Variants in DLGAP1 observed in about 807,000 individuals in gnomAD.
The protein encoded by DLGAP1 is DLG associated protein 1, also known as disks large-associated protein 1.
A neutral mutation model predicts 90.8 loss-of-function variants in DLGAP1; 11 were observed. That is an observed-to-expected ratio of 0.12 (90% CI 0.08 to 0.20). The LOEUF (loss-of-function observed/expected upper bound fraction) is 0.20, where lower values mean the gene tolerates loss of function less well. Ranked by LOEUF, DLGAP1 falls within the 10% of genes least tolerant of loss-of-function variation. DLGAP1 has a pLI of 1.00. For synonymous variants in DLGAP1, 558 were observed against 540.7 expected (o/e 1.03, Z -0.44); for missense variants, 1,050 against 1,333.8 (o/e 0.79, Z 3.31).
At chr18:4,347,000 A>C (rs557833367) in intron 1 of DLGAP1, among the ~76,000 whole-genome samples, 1 of 152,090 alleles carries the variant, frequency 6.6e-6, no homozygotes, top group African/African-American at 2.4e-5. Flanking sequence ...ACTATACAAA[A>C]TGAGAAATAA....
At chr18:3,525,803 A>T (rs371564708) in intron 10 of DLGAP1, among the ~76,000 whole-genome samples, 108 of 152,294 alleles carry the variant, frequency 7.1e-4, no homozygotes, top group African/African-American at 2.5e-3. Context: ...AATGACAGAA[A>T]CACCACTGGC....
chr18:4,178,756 G>A (rs2144643076), intron 1 of DLGAP1, among the ~76,000 whole-genome samples: 1 of 152,138 alleles, frequency 6.6e-6, no homozygotes, highest in African/African-American at 2.4e-5. Context: ...TACAGAGCTT[G>A]ATAAATCTCA....
chr18:3,862,173 G>A (rs1023402783), intron 4 of DLGAP1, among the ~76,000 whole-genome samples: 1 of 152,192 alleles, frequency 6.6e-6, no homozygotes, highest in Admixed American at 6.5e-5. Flanking sequence ...AAGCAATGTG[G>A]GGTAGACAGG....
chr18:3,849,959 G>A (rs936581436), intron 4 of DLGAP1, among the ~76,000 whole-genome samples: 1 of 152,178 alleles, frequency 6.6e-6, no homozygotes, highest in African/African-American at 2.4e-5. Flanking sequence ...TAGTGGTCTT[G>A]TTTATAAATC....
intron 1 of DLGAP1, among the ~76,000 whole-genome samples, chr18:4,195,161 A>T (rs1038316945): frequency 4.6e-5 from 7 of 152,194 alleles, no homozygotes; most frequent in African/African-American, 1.7e-4. Context: ...AGAATACTAC[A>T]GTTTTATCTA....
chr18:4,400,461 T>G (rs957623033), intron 1 of DLGAP1, among the ~76,000 whole-genome samples: 1 of 152,266 alleles, frequency 6.6e-6, no homozygotes, highest in Admixed American at 6.5e-5. Flanking sequence ...CCTGGGCCAC[T>G]GGGGCCAATC....
In DLGAP1 at chr18:3,874,553, C is replaced by T. The variant is rs557508950; in HGVS notation, c.957+4559G>A. The T allele has an allele frequency of 1.5e-4, 221 of 1,473,202 alleles. 1 individual carries two copies. In the South Asian group the frequency reaches 1.9e-3, roughly 13 times the overall value. The allele number at this position is 1,473,202 out of a possible 1,614,324, so 91.3% of individuals were successfully genotyped here. A position where few individuals can be genotyped will look rare whatever the true frequency, so the allele number is the denominator to read the frequency against. ...GCAAAAACAAAACAACAACAAAAAC[C>T]ACCTTTTATTCTATCTCTGAACCTC... On this transcript the variant is annotated intron_variant, in intron 4 of 12. Transcript: ENST00000315677.
Position 3,565,474 on chromosome 18 carries a change from A to G in DLGAP1, c.2057+2016T>C, listed in dbSNP as rs1041090609. 2.6e-5 allele frequency among the ~76,000 whole-genome samples: 4 copies of G among 151,962 alleles called. No homozygotes were observed. Among genetic ancestry groups the G allele is most frequent in the African/African-American group, 9.7e-5 (4 of 41,396 alleles). On this transcript the variant is annotated intron_variant, in intron 9 of 12. Transcript: ENST00000315677. This position sits in a 1 kb window ranked among gnomAD's most constrained non-coding sequence, Gnocchi z 4.0. ...CAGGAATATATTTTCTTTAATGTCT[A>G]CTAAATGTATACTTTCAAAAATTTT...
chr18:4,302,167 T>C (rs1410623529), intron 1 of DLGAP1, among the ~76,000 whole-genome samples: 1 of 152,192 alleles, frequency 6.6e-6, no homozygotes, highest in African/African-American at 2.4e-5. Context: ...CTCTACTTTT[T>C]TGCTTTTGTT....
intron 1 of DLGAP1, among the ~76,000 whole-genome samples, chr18:4,249,271 A>G (rs1029473039): frequency 6.6e-6 from 1 of 152,184 alleles, no homozygotes; most frequent in Non-Finnish European, 1.5e-5. Context: ...ACTGCCGGGC[A>G]CAAAGTAAAA....
chr18:3,561,467 A>ATG (rs2054112836), intron 9 of DLGAP1, among the ~76,000 whole-genome samples: 1 of 148,740 alleles, frequency 6.7e-6, no homozygotes, highest in Non-Finnish European at 1.5e-5. Flanking sequence ...AAACAGAAAA[A>ATG]TGAAAGTTTT....
At chr18:3,986,922 A>G (rs1267528607) in intron 3 of DLGAP1, among the ~76,000 whole-genome samples, 1 of 152,164 alleles carries the variant, frequency 6.6e-6, no homozygotes, top group Non-Finnish European at 1.5e-5. Flanking sequence ...TCCCACAAAA[A>G]TGTCCTATGA....
At chr18:3,701,324 T>C (rs911731247) in intron 7 of DLGAP1, among the ~76,000 whole-genome samples, 28 of 152,302 alleles carry the variant, frequency 1.8e-4, no homozygotes, top group African/African-American at 6.5e-4. Flanking sequence ...TGTGTGGTGT[T>C]CCCGTTAAGG....
chr18:4,064,448 G>A lies in DLGAP1; in HGVS notation c.-158-59247C>T, dbSNP rs546158359. Among the ~76,000 whole-genome samples, 369 of 150,386 alleles carry A rather than the reference G, an allele frequency of 2.5e-3. 2 individuals carry two copies. Among genetic ancestry groups the A allele is most frequent in the African/African-American group, 8.8e-3 (361 of 40,796 alleles). ...AAAATTAATACAATAGACTGCTAGC[G>A]AGACCAACAAAGAAAAAAAGAGAGA... On this transcript the variant is annotated intron_variant, in intron 2 of 12. Coordinates refer to ENST00000315677, the MANE Select transcript of DLGAP1 (RefSeq NM_004746.4).
chr18:4,174,258 T>C (rs1276151552), intron 1 of DLGAP1, among the ~76,000 whole-genome samples: 1 of 152,192 alleles, frequency 6.6e-6, no homozygotes, highest in African/African-American at 2.4e-5. Flanking sequence ...TTCCAGTCCT[T>C]AAGTCAGGGG....
chr18:4,384,619 C>T (rs563127037), intron 1 of DLGAP1, among the ~76,000 whole-genome samples: 2 of 152,100 alleles, frequency 1.3e-5, no homozygotes, highest in South Asian at 2.1e-4. Context: ...TATATTTCCT[C>T]GTACTAATAT....
intron 2 of DLGAP1, among the ~76,000 whole-genome samples, chr18:4,009,439 A>G (rs2074374375): frequency 6.6e-6 from 1 of 152,152 alleles, no homozygotes; most frequent in South Asian, 2.1e-4. Flanking sequence ...GCTGTTACAC[A>G]TTTGTTTATT....
chr18:4,429,117 T>C (rs2083222793), intron 1 of DLGAP1, among the ~76,000 whole-genome samples: 1 of 152,198 alleles, frequency 6.6e-6, no homozygotes, highest in Admixed American at 6.5e-5. Context: ...TGCAATGAAA[T>C]CTATTTAGGT....
rs137857106 is a variant in DLGAP1 at position 3,534,681 on chromosome 18, C to T, written c.2058-66G>A. On this transcript the variant is annotated intron_variant, in intron 9 of 12. Coordinates refer to ENST00000315677, the MANE Select transcript of DLGAP1 (RefSeq NM_004746.4). ...TCTTTCTTTCCTTCCTTCCTTCCTT[C>T]CTTCCTTTCTTTCTTTTTTTTTTTT... is the stretch of plus-strand genomic sequence containing the variant. 3.1e-3 allele frequency: 4,183 copies of T among 1,346,236 alleles called. 119 individuals carry two copies. In the African/African-American group the frequency reaches 0.058, roughly 19 times the overall value. The allele number at this position is 1,346,236 out of a possible 1,614,324, so 83.4% of individuals were successfully genotyped here.
Sources: gnomAD v4.1 joint callset for allele counts (sites outside exome capture counted in the v4.1 genomes callset) on GRCh38, gnomAD v4.1.1 for gene constraint, Gnocchi (gnomAD v3.1) non-coding constraint, MANE v1.5 for transcripts, NCBI Gene and HGNC (gene_info 2026-07-23, HGNC 2026-07-21) for gene names.